The following PHACTR1 variants were observed in gnomAD, a reference collection of about 807,000 sequenced individuals.
PHACTR1 encodes the protein phosphatase and actin regulator 1.
A neutral mutation model predicts 69.2 loss-of-function variants in PHACTR1; 16 were observed. The ratio of observed to expected loss-of-function variants is 0.23; its 90% CI spans 0.16 to 0.35. The LOEUF (loss-of-function observed/expected upper bound fraction) is 0.35. Ranked by LOEUF, PHACTR1 falls within the 10% of genes least tolerant of loss-of-function variation. The probability of loss-of-function intolerance (pLI) is 1.00; values close to 1 mark genes in which losing one functional copy is unlikely to be tolerated. For synonymous variants in PHACTR1, 312 were observed against 284.5 expected (o/e 1.10, Z -0.97); for missense variants, 510 against 734.7 (o/e 0.69, Z 3.54).
intron 4 of PHACTR1, among the ~76,000 whole-genome samples, chr6:12,798,986 G>A (rs925221416): frequency 6.6e-6 from 1 of 152,124 alleles, no homozygotes; most frequent in Non-Finnish European, 1.5e-5. Flanking sequence ...CTCTGAAGTT[G>A]TTCTCTTTTC....
At chr6:12,804,432 A>G (rs1156891758) in intron 4 of PHACTR1, among the ~76,000 whole-genome samples, 1 of 152,236 alleles carries the variant, frequency 6.6e-6, no homozygotes, top group Non-Finnish European at 1.5e-5. Context: ...GTTTGGGCTT[A>G]ACCACCTGAA....
At chr6:12,727,489 T>A (rs1762939882) in intron 3 of PHACTR1, among the ~76,000 whole-genome samples, 1 of 152,052 alleles carries the variant, frequency 6.6e-6, no homozygotes, top group Non-Finnish European at 1.5e-5. Context: ...ATACATAAAG[T>A]AGGGCATGGG....
At chr6:13,278,402 G>T (rs192887459) in intron 12 of PHACTR1, 73 bp downstream of exon 12, 1 of 1,370,946 alleles carries the variant, frequency 7.3e-7, no homozygotes, top group Non-Finnish European at 1.0e-6. Context: ...CCCTCTGCTG[G>T]CCTCAGTGGC....
At chr6:13,053,941 T>C (rs1366834411) in intron 5 of PHACTR1, among the ~76,000 whole-genome samples, 1 of 152,186 alleles carries the variant, frequency 6.6e-6, no homozygotes, top group Non-Finnish European at 1.5e-5. Flanking sequence ...AATAGGTTAT[T>C]TCATGGAGGA....
chr6:13,184,822 A>G, intron 7 of PHACTR1: 1 of 1,366,564 alleles, frequency 7.3e-7, no homozygotes, highest in Non-Finnish European at 9.8e-7. Flanking sequence ...TCCCTCTGCC[A>G]GTGAGTCTGG....
intron 4 of PHACTR1, among the ~76,000 whole-genome samples, chr6:12,964,053 T>C (rs1793111925): frequency 6.6e-6 from 1 of 152,238 alleles, no homozygotes; most frequent in Non-Finnish European, 1.5e-5. Flanking sequence ...TTTGTTCATA[T>C]GTAGAATTTC....
At chr6:13,006,241 A>G (rs1354445271) in intron 4 of PHACTR1, among the ~76,000 whole-genome samples, 1 of 152,232 alleles carries the variant, frequency 6.6e-6, no homozygotes, top group South Asian at 2.1e-4. Context: ...CATGGCAGCC[A>G]AGGTTTCTGT....
chr6:13,082,995 A>T (rs934933861), intron 5 of PHACTR1, among the ~76,000 whole-genome samples: 110 of 152,056 alleles, frequency 7.2e-4, no homozygotes, highest in Middle Eastern at 3.4e-3. Context: ...TTGCTTTTGG[A>T]GTTTTAGACA....
At chr6:12,809,116 G>A (rs576914178) in intron 4 of PHACTR1, among the ~76,000 whole-genome samples, 28 of 152,094 alleles carry the variant, frequency 1.8e-4, no homozygotes, top group African/African-American at 3.1e-4. Flanking sequence ...TCAAACTCCC[G>A]GGGTGAAGCC....
chr6:12,913,570 G>A (rs1224445573), intron 4 of PHACTR1, among the ~76,000 whole-genome samples: 3 of 152,214 alleles, frequency 2.0e-5, no homozygotes, highest in African/African-American at 4.8e-5. Context: ...CTCCTTAGAG[G>A]TGGGATGATT....
chr6:12,812,724 G>C (rs1486500070), intron 4 of PHACTR1, among the ~76,000 whole-genome samples: 1 of 152,196 alleles, frequency 6.6e-6, no homozygotes, highest in Non-Finnish European at 1.5e-5. Context: ...ACATTTCAGA[G>C]TAGGCCAAAC....
intron 4 of PHACTR1, among the ~76,000 whole-genome samples, chr6:12,822,621 G>A (rs575118708): frequency 8.5e-5 from 13 of 152,270 alleles, no homozygotes; most frequent in South Asian, 2.1e-4. Flanking sequence ...TAGAGGAGCC[G>A]GGGCATCTAG....
At chr6:12,751,901 C>G (rs1052950184) in intron 4 of PHACTR1, among the ~76,000 whole-genome samples, 6 of 152,168 alleles carry the variant, frequency 3.9e-5, no homozygotes, top group African/African-American at 1.4e-4. Flanking sequence ...GCTGTCCTCC[C>G]TTGGTGGTGC....
At chr6:12,899,745 A>G (rs912812600) in intron 4 of PHACTR1, among the ~76,000 whole-genome samples, 1 of 152,250 alleles carries the variant, frequency 6.6e-6, no homozygotes, top group Non-Finnish European at 1.5e-5. Flanking sequence ...CTGTCTTTCT[A>G]AATGAGAAGG....
intron 8 of PHACTR1, among the ~76,000 whole-genome samples, chr6:13,211,219 C>T (rs993822694): frequency 3.9e-5 from 6 of 152,086 alleles, no homozygotes; most frequent in Non-Finnish European, 8.8e-5. Flanking sequence ...GCACCCATCA[C>T]CCGAGCAGTG....
chr6:12,877,042 C>T (rs767701681), intron 4 of PHACTR1, among the ~76,000 whole-genome samples: 2 of 152,212 alleles, frequency 1.3e-5, no homozygotes, highest in Non-Finnish European at 2.9e-5. Flanking sequence ...TTGGATGATA[C>T]TCTTCCACGC....
intron 5 of PHACTR1, among the ~76,000 whole-genome samples, chr6:13,136,668 A>C (rs6936929): frequency 0.013 from 1,951 of 150,946 alleles, 39 homozygotes; most frequent in African/African-American, 0.043. Context: ...ATTTAATATG[A>C]AAGATAATGC....
intron 4 of PHACTR1, among the ~76,000 whole-genome samples, chr6:12,840,707 C>G (rs1778601861): frequency 1.3e-5 from 2 of 152,176 alleles, no homozygotes; most frequent in Admixed American, 1.3e-4. Context: ...ACAAGTCTCA[C>G]CATCTCTACC....
intron 5 of PHACTR1, among the ~76,000 whole-genome samples, chr6:13,060,266 T>A (rs578143675): frequency 2.0e-4 from 31 of 152,304 alleles, no homozygotes; most frequent in African/African-American, 7.5e-4. Flanking sequence ...TTGGGGCAGA[T>A]GTCAGATTAG....
Sources: gnomAD v4.1 joint callset for allele counts (sites outside exome capture counted in the v4.1 genomes callset) on GRCh38, gnomAD v4.1.1 for gene constraint, MANE v1.5 for transcripts, NCBI Gene and HGNC (gene_info 2026-07-23, HGNC 2026-07-21) for gene names.